CNTN5: variants seen among roughly 807,000 people sequenced by gnomAD.
CNTN5 encodes contactin-5.
CNTN5 carries 77 observed loss-of-function variants against 129.1 expected under a neutral mutation model. The ratio of observed to expected loss-of-function variants is 0.60; its 90% CI spans 0.50 to 0.72. CNTN5 has a LOEUF of 0.72. Among genes scored for constraint, CNTN5 ranks in the 30% least tolerant of loss-of-function variants. The probability of loss-of-function intolerance (pLI) is 0.00; values close to 1 mark genes in which losing one functional copy is unlikely to be tolerated. For missense variants in CNTN5, 1,478 were observed against 1,328.8 expected, an observed-to-expected ratio of 1.11 and a Z score of -1.75; for synonymous variants, 509 against 465.6, an observed-to-expected ratio of 1.09 and a Z score of -1.20.
At chr11:99,037,893 A>T (rs1216560405) in intron 1 of CNTN5, among the ~76,000 whole-genome samples, 1 of 151,968 alleles carries the variant, frequency 6.6e-6, no homozygotes, top group African/African-American at 2.4e-5. Context: ...TACTTTTCCT[A>T]TCAGGAGATT....
chr11:100,353,101 A>G (rs1032831182), intron 24 of CNTN5, among the ~76,000 whole-genome samples: 2 of 151,692 alleles, frequency 1.3e-5, no homozygotes, highest in African/African-American at 4.8e-5. Context: ...CAACCTTGGA[A>G]GTACTTATGA....
chr11:99,666,579 C>G (rs1952800752), intron 3 of CNTN5, among the ~76,000 whole-genome samples: 1 of 152,148 alleles, frequency 6.6e-6, no homozygotes, highest in South Asian at 2.1e-4. Flanking sequence ...CACAATAGCA[C>G]AGAGAGAAGG....
At chr11:100,311,089 G>A (rs1404856742) in intron 21 of CNTN5, among the ~76,000 whole-genome samples, 1 of 150,552 alleles carries the variant, frequency 6.6e-6, no homozygotes, top group Non-Finnish European at 1.5e-5. Context: ...TAGACCCTGG[G>A]GAGGGCCTCA....
chr11:100,295,507 T>A (rs1048503985), intron 18 of CNTN5, among the ~76,000 whole-genome samples: 21 of 151,600 alleles, frequency 1.4e-4, no homozygotes, highest in African/African-American at 4.6e-4. Flanking sequence ...ATTGTTTTTT[T>A]AAAAATAAAA....
At chr11:99,059,300 A>G (rs1397905681) in intron 1 of CNTN5, among the ~76,000 whole-genome samples, 1 of 152,050 alleles carries the variant, frequency 6.6e-6, no homozygotes, top group South Asian at 2.1e-4. Flanking sequence ...CATGGAAACA[A>G]TATGTAGACT....
intron 1 of CNTN5, among the ~76,000 whole-genome samples, chr11:99,177,357 G>A (rs180841375): frequency 9.5e-4 from 144 of 152,148 alleles, no homozygotes; most frequent in African/African-American, 1.4e-3. Flanking sequence ...ATAGTGTCTC[G>A]CACATGGTTG....
chr11:99,896,392 T>C (rs1048034161), intron 6 of CNTN5, among the ~76,000 whole-genome samples: 2 of 152,262 alleles, frequency 1.3e-5, no homozygotes, highest in African/African-American at 4.8e-5. Flanking sequence ...CTGCACATGC[T>C]GCTCCCAGAT....
At chr11:99,608,726 C>A (rs902279246) in intron 3 of CNTN5, among the ~76,000 whole-genome samples, 1 of 152,140 alleles carries the variant, frequency 6.6e-6, no homozygotes, top group African/African-American at 2.4e-5. Flanking sequence ...TGTGGTCCTT[C>A]ATTACACTAG....
At chr11:100,112,347 G>A (rs1445614953) in intron 13 of CNTN5, among the ~76,000 whole-genome samples, 1 of 152,064 alleles carries the variant, frequency 6.6e-6, no homozygotes, top group African/African-American at 2.4e-5. Context: ...GAGATTCAGA[G>A]TTTGTTTTTT....
rs1484175236 is a variant in CNTN5, at chr11:99,046,151, C to T, written c.-210+24881C>T. ...CCCAGGGGTGCGAGACCAGACTGGG[C>T]GACATGGCAAAACCCCATCTCTACT... On this transcript the variant is annotated intron_variant, in intron 1 of 24. Transcript: ENST00000524871. 6.6e-5 allele frequency among the ~76,000 whole-genome samples: 10 copies of T among 151,862 alleles called. No homozygotes were observed. The East Asian group carries it at 9.7e-4, about 15-fold the overall frequency.
chr11:99,235,845 C>T (rs1861232986), intron 1 of CNTN5, among the ~76,000 whole-genome samples: 1 of 152,116 alleles, frequency 6.6e-6, no homozygotes, highest in Admixed American at 6.5e-5. Context: ...GTTTGGATTC[C>T]TGTGTTTTAG....
intron 6 of CNTN5, among the ~76,000 whole-genome samples, chr11:99,881,370 G>A (rs904246004): frequency 1.3e-5 from 2 of 152,164 alleles, no homozygotes; most frequent in African/African-American, 4.8e-5. Flanking sequence ...CCAGAACGGA[G>A]AATGTTTTTA....
chr11:99,340,229 A>G (rs1462889511), intron 2 of CNTN5, among the ~76,000 whole-genome samples: 2 of 152,152 alleles, frequency 1.3e-5, no homozygotes, highest in Non-Finnish European at 2.9e-5. Flanking sequence ...TCATTTCCAG[A>G]CAGGTGTGGG....
chr11:99,665,234 A>C (rs1952741156), intron 3 of CNTN5, among the ~76,000 whole-genome samples: 1 of 152,306 alleles, frequency 6.6e-6, no homozygotes, highest in South Asian at 2.1e-4. Flanking sequence ...TTCTAGCAAA[A>C]GAAATATGTG....
chr11:99,353,106 C>G (rs552058409), intron 2 of CNTN5, among the ~76,000 whole-genome samples: 9 of 152,246 alleles, frequency 5.9e-5, no homozygotes, highest in East Asian at 3.9e-4. Context: ...CCTATAAGCC[C>G]TTTCAGACAG....
intron 1 of CNTN5, among the ~76,000 whole-genome samples, chr11:99,117,315 A>C (rs1362643128): frequency 6.6e-6 from 1 of 152,198 alleles, no homozygotes; most frequent in Non-Finnish European, 1.5e-5. Context: ...ACACAGATTA[A>C]GAAACAGAGT....
At position 99,236,726 on chromosome 11, in the gene CNTN5, T is replaced by C. The variant is rs1242586455; in HGVS notation, c.-209-88620T>C. On this transcript the variant is annotated intron_variant, in intron 1 of 24. Transcript: ENST00000524871. ...ATGGAGAGAATTATTGCAACCACCT[T>C]TGCAAACAAATTACATACGATCGAA... Among the ~76,000 whole-genome samples the C allele has an allele frequency of 3.9e-5, 6 of 152,190 alleles. No homozygotes were observed. In the East Asian group the frequency reaches 1.2e-3, roughly 29 times the overall value.
intron 7 of CNTN5, among the ~76,000 whole-genome samples, chr11:99,945,185 C>A (rs7107215): frequency 0.84 from 127,376 of 151,990 alleles, 53,464 homozygotes; most frequent in South Asian, 0.89. Context: ...GTTAGTAGGC[C>A]TGTGACCTGT....
intron 8 of CNTN5, among the ~76,000 whole-genome samples, chr11:99,995,600 C>T (rs1374282208): frequency 6.6e-6 from 1 of 151,936 alleles, no homozygotes; most frequent in Non-Finnish European, 1.5e-5. Context: ...CCTCTCATTC[C>T]ACATACATAT....
Sources: gnomAD v4.1 joint callset for allele counts (sites outside exome capture counted in the v4.1 genomes callset) on GRCh38, gnomAD v4.1.1 for gene constraint, MANE v1.5 for transcripts, NCBI Gene and HGNC (gene_info 2026-07-23, HGNC 2026-07-21) for gene names.